Variants in GABRA4 observed in about 807,000 individuals in gnomAD.
The protein encoded by GABRA4 is gamma-aminobutyric acid receptor subunit alpha-4.
In GABRA4, 12 loss-of-function variants were observed where a neutral mutation model predicts 49.7. The observed-to-expected ratio is 0.24, with a 90% CI of 0.15 to 0.39. The LOEUF (loss-of-function observed/expected upper bound fraction) is 0.39, where lower values mean the gene tolerates loss of function less well. Ranked by LOEUF, GABRA4 falls within the 10% of genes least tolerant of loss-of-function variation. The pLI is 1.00. For missense variants in GABRA4, 506 were observed against 686.0 expected, an observed-to-expected ratio of 0.74 and a Z score of 2.93; for synonymous variants, 288 against 240.2, an observed-to-expected ratio of 1.20 and a Z score of -1.84.
intron 8 of GABRA4, among the ~76,000 whole-genome samples, chr4:46,938,981 T>C (rs1353290412): frequency 6.6e-6 from 1 of 151,994 alleles, no homozygotes; most frequent in Non-Finnish European, 1.5e-5. Flanking sequence ...TACTAGAGAA[T>C]ACATTACCCA....
In GABRA4 at chr4:46,922,311, G is replaced by A. The variant is rs993807341; in HGVS notation, c.*5914C>T. 2 of 152,050 alleles carry A rather than the reference G, an allele frequency of 1.3e-5. No individual in the cohort carries two copies. The highest frequency in any genetic ancestry group is 2.1e-4 in the South Asian group (1 of 4,826). 9.4% of individuals were successfully genotyped at this position (152,050 alleles called of 1,614,324 possible). ...GGGCAGAAGAAAAAACACATAAAAC[G>A]GTTTTGGGGAGGTGGGCTTGAAACC... is the stretch of plus-strand genomic sequence containing the variant. On this transcript the variant is annotated 3_prime_UTR_variant, in exon 9 of 9. Transcript: ENST00000264318.
At chr4:46,941,877 G>A (rs1721810471) in intron 8 of GABRA4, among the ~76,000 whole-genome samples, 1 of 152,014 alleles carries the variant, frequency 6.6e-6, no homozygotes, top group African/African-American at 2.4e-5. Context: ...TTCCTCTGGG[G>A]GTGGTGACTG....
Position 46,928,162 on chromosome 4 carries a change from A to G in GABRA4, c.*63T>C. The G allele has an allele frequency of 7.5e-7, 1 of 1,328,216 alleles. No individual in the cohort carries two copies. The highest frequency in any genetic ancestry group is 1.0e-6 in the Non-Finnish European group (1 of 981,188). The allele number at this position is 1,328,216 out of a possible 1,614,324, so 82.3% of individuals were successfully genotyped here. On this transcript the variant is annotated 3_prime_UTR_variant, in exon 9 of 9. Transcript: ENST00000264318. ...AGTAAAGAATATTTGTTTATATTTAAAAACATTTAAAAAGACATTCTGCAT... is the reference window on the plus strand; with the variant it reads ...AGTAAAGAATATTTGTTTATATTTAGAAACATTTAAAAAGACATTCTGCAT...
chr4:46,959,167 G>A (rs1406816369), intron 8 of GABRA4, among the ~76,000 whole-genome samples: 3 of 151,622 alleles, frequency 2.0e-5, no homozygotes, highest in Admixed American at 2.0e-4. Flanking sequence ...TAATTTTGAT[G>A]TGTTCTTAAT....
chr4:46,960,239 G>C (rs1216134915), intron 8 of GABRA4, among the ~76,000 whole-genome samples: 3 of 151,606 alleles, frequency 2.0e-5, no homozygotes, highest in African/African-American at 7.3e-5. Flanking sequence ...TAGAAATAAA[G>C]CAGTTATGTG....
chr4:46,971,909 C>T (rs780332668), intron 6 of GABRA4, among the ~76,000 whole-genome samples: 27 of 151,288 alleles, frequency 1.8e-4, no homozygotes, highest in Non-Finnish European at 3.4e-4. Flanking sequence ...AGACAAAAAC[C>T]TGAAAAACTA....
chr4:46,919,093 G>T lies in GABRA4; in HGVS notation c.*9132C>A, dbSNP rs959338047. On this transcript the variant is annotated 3_prime_UTR_variant, in exon 9 of 9. Coordinates refer to ENST00000264318, the MANE Select transcript of GABRA4 (RefSeq NM_000809.4). ...AAGACTCATTTTCCAGTGAGAAATT[G>T]AGACCTGAATAATTCTACAATGCTA... The T allele has an allele frequency of 7.3e-5, 11 of 151,418 alleles. No individual in the cohort carries two copies. Among genetic ancestry groups the T allele is most frequent in the Non-Finnish European group, 1.3e-4 (9 of 67,506 alleles). 9.4% of individuals were successfully genotyped at this position (151,418 alleles called of 1,614,324 possible). A position where few individuals can be genotyped will look rare whatever the true frequency, so the allele number is the denominator to read the frequency against.
intron 8 of GABRA4, among the ~76,000 whole-genome samples, chr4:46,934,166 A>G (rs188935567): frequency 1.9e-3 from 288 of 152,294 alleles, no homozygotes; most frequent in Non-Finnish European, 3.4e-3. Flanking sequence ...ATTAAAAACT[A>G]ACAAGACTGA....
At chr4:46,935,984 C>T (rs1721590524) in intron 8 of GABRA4, among the ~76,000 whole-genome samples, 1 of 152,140 alleles carries the variant, frequency 6.6e-6, no homozygotes, top group Admixed American at 6.5e-5. Flanking sequence ...AACCTTATAA[C>T]TTATGCATAA....
chr4:46,936,896 G>A (rs745835832), intron 8 of GABRA4, among the ~76,000 whole-genome samples: 4 of 152,178 alleles, frequency 2.6e-5, no homozygotes, highest in Non-Finnish European at 5.9e-5. Flanking sequence ...GGGAAATGGG[G>A]CAGTGTAGCC....
rs866703117 is a variant in GABRA4 at position 46,919,318 on chromosome 4, A to G, written c.*8907T>C. The G allele has an allele frequency of 6.6e-6, 1 of 151,578 alleles. No homozygotes were observed. The highest frequency in any genetic ancestry group is 6.6e-5 in the Admixed American group (1 of 15,204). The allele number at this position is 151,578 out of a possible 1,614,324, so 9.4% of individuals were successfully genotyped here. ...AATAAATTTGCAAAAACAAAATAAT[A>G]ATGACTATGTGCTCCTCACTATAAT... On this transcript the variant is annotated 3_prime_UTR_variant, in exon 9 of 9. Coordinates refer to ENST00000264318, the MANE Select transcript of GABRA4 (RefSeq NM_000809.4).
At chr4:46,950,024 AC>A (rs946922029) in intron 8 of GABRA4, among the ~76,000 whole-genome samples, 2 of 152,064 alleles carry the variant, frequency 1.3e-5, no homozygotes, top group Non-Finnish European at 2.9e-5. Context: ...ATAACAGGTA[AC>A]CTCCTTGGTG....
intron 8 of GABRA4, among the ~76,000 whole-genome samples, chr4:46,940,771 G>A (rs1721762353): frequency 6.6e-6 from 1 of 151,866 alleles, no homozygotes; most frequent in Non-Finnish European, 1.5e-5. Flanking sequence ...CCATTTGGCT[G>A]TTTTCCAGAA....
chr4:46,979,112 A>C lies in GABRA4; in HGVS notation c.206-14T>G, dbSNP rs776268618. On this transcript the variant is annotated splice_polypyrimidine_tract_variant and intron_variant, in intron 2 of 8. Coordinates refer to ENST00000264318, the MANE Select transcript of GABRA4 (RefSeq NM_000809.4). ...CTGTAACAGGACCTAACGGGTATGA[A>C]GTAAATAAGTGTGAAAAAATAATTA... 1.3e-6 allele frequency: 2 copies of C among 1,553,456 alleles called. No homozygotes were observed. The highest frequency in any genetic ancestry group is 1.8e-6 in the Non-Finnish European group (2 of 1,127,014).
intron 8 of GABRA4, among the ~76,000 whole-genome samples, chr4:46,946,540 A>G (rs1372054562): frequency 2.6e-5 from 4 of 152,108 alleles, no homozygotes; most frequent in African/African-American, 9.7e-5. Flanking sequence ...AGTTCCCAAT[A>G]TAATAGGGAC....
At chr4:46,971,345 CT>C (rs762799699) in intron 6 of GABRA4, 110 bp from the exon 7 acceptor site, 6 of 960,242 alleles carry the variant, frequency 6.2e-6, no homozygotes, top group Non-Finnish European at 8.1e-6. Flanking sequence ...AAGAAATTCT[CT>C]TTTGTGCATA....
At chr4:46,956,823 T>C (rs1722384503) in intron 8 of GABRA4, among the ~76,000 whole-genome samples, 1 of 152,088 alleles carries the variant, frequency 6.6e-6, no homozygotes, top group African/African-American at 2.4e-5. Flanking sequence ...CAGATTCCTA[T>C]AGTTGGTTCA....
intron 6 of GABRA4, among the ~76,000 whole-genome samples, chr4:46,973,166 A>G (rs1212765244): frequency 6.6e-6 from 1 of 151,800 alleles, no homozygotes; most frequent in Non-Finnish European, 1.5e-5. Flanking sequence ...GGTGCCCATC[A>G]GATGGTGATT....
At chr4:46,939,426 A>G (rs1721716834) in intron 8 of GABRA4, among the ~76,000 whole-genome samples, 1 of 152,036 alleles carries the variant, frequency 6.6e-6, no homozygotes, top group African/African-American at 2.4e-5. Flanking sequence ...AGTTCCTACA[A>G]CAACCCATGA....
Sources: allele counts gnomAD v4.1 joint callset (sites outside exome capture counted in the v4.1 genomes callset), GRCh38; gene constraint gnomAD v4.1.1; transcripts MANE v1.5; gene names NCBI Gene and HGNC (gene_info 2026-07-23, HGNC 2026-07-21).